Variants in SLIT2 observed in about 807,000 individuals in gnomAD.
The protein encoded by SLIT2 is slit homolog 2 protein.
Under a neutral mutation model 185.7 loss-of-function variants are expected in SLIT2, and 41 were observed. That is an observed-to-expected ratio of 0.22 (90% CI 0.17 to 0.29). SLIT2 has a LOEUF of 0.29. Among genes scored for constraint, SLIT2 ranks in the 10% least tolerant of loss-of-function variants. The pLI is 1.00. For missense variants in SLIT2, 1,571 were observed against 1,909.0 expected, an observed-to-expected ratio of 0.82 and a Z score of 3.30; for synonymous variants, 693 against 680.2, an observed-to-expected ratio of 1.02 and a Z score of -0.29.
chr4:20,527,064 G>A (rs16869714), intron 15 of SLIT2, among the ~76,000 whole-genome samples: 6,679 of 152,220 alleles, frequency 0.044, 336 homozygotes, highest in African/African-American at 0.12. Flanking sequence ...AACTTCTTAT[G>A]AGATTCTGAT....
At chr4:20,463,833 G>A (rs1360655195) in intron 4 of SLIT2, among the ~76,000 whole-genome samples, 13 of 147,972 alleles carry the variant, frequency 8.8e-5, no homozygotes, top group South Asian at 2.1e-4. Context: ...CCGAGATGGC[G>A]TCACTGCACT....
intron 4 of SLIT2, among the ~76,000 whole-genome samples, chr4:20,353,966 C>G (rs992790895): frequency 2.0e-5 from 3 of 152,060 alleles, no homozygotes; most frequent in African/African-American, 7.2e-5. Flanking sequence ...AGTATACTTC[C>G]CATAACTTAA....
intron 4 of SLIT2, among the ~76,000 whole-genome samples, chr4:20,333,673 A>G (rs1720252530): frequency 6.6e-6 from 1 of 152,158 alleles, no homozygotes; most frequent in African/African-American, 2.4e-5. Context: ...TGCTTTAGCC[A>G]GTTCAATATG....
intron 4 of SLIT2, among the ~76,000 whole-genome samples, chr4:20,327,035 A>G (rs917297640): frequency 1.3e-5 from 2 of 151,996 alleles, no homozygotes; most frequent in African/African-American, 4.8e-5. Context: ...GTAGTTATAC[A>G]TTAAAGCATC....
At chr4:20,548,027 A>T (rs1470902577) in intron 22 of SLIT2, among the ~76,000 whole-genome samples, 1 of 152,212 alleles carries the variant, frequency 6.6e-6, no homozygotes, top group East Asian at 1.9e-4. Flanking sequence ...ATCAGTGAAC[A>T]TATGTATCAA....
chr4:20,503,161 A>G (rs955116971), intron 9 of SLIT2, among the ~76,000 whole-genome samples: 11 of 152,208 alleles, frequency 7.2e-5, no homozygotes, highest in Non-Finnish European at 1.6e-4. Flanking sequence ...ATGATTAATC[A>G]GCTAGAATGA....
At chr4:20,281,499 A>G (rs1714771322) in intron 4 of SLIT2, among the ~76,000 whole-genome samples, 1 of 152,210 alleles carries the variant, frequency 6.6e-6, no homozygotes, top group African/African-American at 2.4e-5. Context: ...GTGGAACCTG[A>G]ATACCCTGAA....
intron 9 of SLIT2, among the ~76,000 whole-genome samples, chr4:20,495,465 A>G (rs535841036): frequency 2.0e-5 from 3 of 152,354 alleles, no homozygotes; most frequent in Non-Finnish European, 4.4e-5. Context: ...AGATGGAGAC[A>G]TAACATATTC....
intron 4 of SLIT2, among the ~76,000 whole-genome samples, chr4:20,428,379 A>G (rs915280317): frequency 3.3e-5 from 5 of 152,164 alleles, no homozygotes; most frequent in Admixed American, 2.0e-4. Flanking sequence ...TTGTCTACCT[A>G]GGGGAAAATA....
intron 9 of SLIT2, among the ~76,000 whole-genome samples, chr4:20,509,112 G>A (rs1276655073): frequency 1.3e-5 from 2 of 151,554 alleles, no homozygotes; most frequent in African/African-American, 4.8e-5. Flanking sequence ...TGGTCAGTAT[G>A]TTGTCATGAT....
intron 4 of SLIT2, among the ~76,000 whole-genome samples, chr4:20,360,690 T>C (rs1277609980): frequency 6.6e-6 from 1 of 152,076 alleles, no homozygotes; most frequent in Admixed American, 6.6e-5. Context: ...AAAACCAGGA[T>C]TTGTGGGGTG....
At chr4:20,283,482 G>C (rs943808987) in intron 4 of SLIT2, among the ~76,000 whole-genome samples, 2 of 152,130 alleles carry the variant, frequency 1.3e-5, no homozygotes, top group Non-Finnish European at 2.9e-5. Context: ...ACTTAGATAT[G>C]AGGGTTTAGA....
intron 28 of SLIT2, 139 bp downstream of exon 28, chr4:20,567,754 C>G: frequency 1.5e-6 from 1 of 663,632 alleles, no homozygotes; most frequent in Admixed American, 2.6e-5. Flanking sequence ...ATTGGTCCCT[C>G]TCGTAGATAT....
At position 20,582,192 on chromosome 4, in the gene SLIT2, G is replaced by A. The variant is rs528286808; in HGVS notation, c.3089-7452G>A. On this transcript the variant is annotated intron_variant, in intron 29 of 36. Transcript: ENST00000504154. ...GCTCCTCTGGCACCATGTTTTCCCG[G>A]GCTCACTCCCCATCTCTTAGGGCTC... is the stretch of plus-strand genomic sequence containing the variant. Among the ~76,000 whole-genome samples the A allele has an allele frequency of 3.9e-5, 6 of 152,226 alleles. No homozygotes were observed. The South Asian group carries it at 1.2e-3, about 32-fold the overall frequency.
chr4:20,615,025 AT>A (rs1419778477), intron 34 of SLIT2: 1 of 152,164 alleles, frequency 6.6e-6, no homozygotes, highest in Non-Finnish European at 1.5e-5. Flanking sequence ...AACTTTGCCA[AT>A]CTGTATTTAT....
chr4:20,468,094 G>T (rs190945465), intron 5 of SLIT2, among the ~76,000 whole-genome samples: 1 of 151,880 alleles, frequency 6.6e-6, no homozygotes, highest in African/African-American at 2.4e-5. Flanking sequence ...GATTTGATTC[G>T]CAGATATTTG....
At chr4:20,417,307 T>C (rs1038721108) in intron 4 of SLIT2, among the ~76,000 whole-genome samples, 17 of 151,794 alleles carry the variant, frequency 1.1e-4, no homozygotes, top group African/African-American at 4.1e-4. Context: ...CTTTCTCTGC[T>C]AATGTATTTC....
intron 4 of SLIT2, among the ~76,000 whole-genome samples, chr4:20,411,194 C>T (rs1348469593): frequency 1.3e-5 from 2 of 152,166 alleles, no homozygotes; most frequent in African/African-American, 4.8e-5. Context: ...TGTTTTGAAG[C>T]ACTGGCTTCC....
chr4:20,548,107 G>A (rs1177289643), intron 22 of SLIT2, among the ~76,000 whole-genome samples: 1 of 151,982 alleles, frequency 6.6e-6, no homozygotes, highest in African/African-American at 2.4e-5. Context: ...GCAAAATTTT[G>A]TCTATCGCAA....
Sources: gnomAD v4.1 joint callset for allele counts (sites outside exome capture counted in the v4.1 genomes callset) on GRCh38, gnomAD v4.1.1 for gene constraint, MANE v1.5 for transcripts, NCBI Gene and HGNC (gene_info 2026-07-23, HGNC 2026-07-21) for gene names.